The following NBAS variants were observed in gnomAD, a reference collection of about 807,000 sequenced individuals.
The protein encoded by NBAS is NBAS subunit of NRZ tethering complex.
In NBAS, 219 loss-of-function variants were observed where a neutral mutation model predicts 302.5. That is an observed-to-expected ratio of 0.72 (90% CI 0.65 to 0.81). The LOEUF is 0.81. Among genes scored for constraint, NBAS ranks in the 30% least tolerant of loss-of-function variants. The pLI is 0.00. For synonymous variants in NBAS, 1,118 were observed against 1,021.6 expected, an observed-to-expected ratio of 1.09 and a Z score of -1.80; for missense variants, 2,932 against 2,841.6, an observed-to-expected ratio of 1.03 and a Z score of -0.72.
chr2:14,985,996 T>C, the NBAS span, among the ~76,000 whole-genome samples: 1 of 152,182 alleles, frequency 6.6e-6, no homozygotes. Context: ...TCAGTAAAAC[T>C]ATGGCCAGAG....
chr2:15,315,130 A>T (rs894244101), intron 38 of NBAS, among the ~76,000 whole-genome samples: 1 of 152,218 alleles, frequency 6.6e-6, no homozygotes, highest in Non-Finnish European at 1.5e-5. Flanking sequence ...TCATACAACT[A>T]AGATTTTTGT....
At chr2:15,511,191 A>C in intron 10 of NBAS, 21 bp downstream of exon 10, 1 of 1,613,902 alleles carries the variant, frequency 6.2e-7, no homozygotes, top group East Asian at 2.2e-5. Context: ...AGCAAAGTGA[A>C]GTGCCATAAC....
intron 30 of NBAS, among the ~76,000 whole-genome samples, chr2:15,378,993 A>C (rs760441121): frequency 2.0e-5 from 3 of 152,174 alleles, no homozygotes; most frequent in Non-Finnish European, 4.4e-5. Context: ...TGAATGAATT[A>C]TTCTTAAAAA....
the NBAS span, among the ~76,000 whole-genome samples, chr2:14,788,632 C>T: frequency 6.6e-6 from 1 of 152,194 alleles, no homozygotes; most frequent in African/African-American, 2.4e-5. Flanking sequence ...GGCCACAGAA[C>T]AGCAGAATTT....
Position 15,478,260 on chromosome 2 carries a change from C to A in NBAS, c.1113G>T (p.Trp371Cys), listed in dbSNP as rs761786309. The A allele has an allele frequency of 6.2e-7, 1 of 1,611,652 alleles. No individual in the cohort carries two copies. Among genetic ancestry groups the A allele is most frequent in the Non-Finnish European group, 8.5e-7 (1 of 1,178,044 alleles). Residue 371 changes from tryptophan to cysteine, a missense_variant, in exon 13 of 52, where the codon TGG becomes TGT. Trp to Cys is a radical substitution (Grantham distance 215, BLOSUM62 -2). Transcript: ENST00000281513. ...QPGYDDLNPD[W>C]RLSTEKRKKI... is the part of the protein sequence containing the mutation. ...TTTTTCTCTTCTCAGTAGAGAGCCT[C>A]CAATCAGGATTAAGGTCATCATAGC...
the NBAS span, among the ~76,000 whole-genome samples, chr2:14,989,445 C>T: frequency 6.6e-6 from 1 of 152,008 alleles, no homozygotes; most frequent in Middle Eastern, 3.2e-3. Context: ...ATAGTACCAG[C>T]TACTCGGGAG....
chr2:14,855,748 C>T, the NBAS span, among the ~76,000 whole-genome samples: 8 of 152,168 alleles, frequency 5.3e-5, no homozygotes, highest in African/African-American at 1.4e-4. Context: ...AGGTCAGGCA[C>T]GATACAATAG....
Position 15,561,175 on chromosome 2 carries a change from G to T in NBAS, c.117+13C>A. On this transcript the variant is annotated intron_variant, in intron 1 of 51. Coordinates refer to ENST00000281513, the MANE Select transcript of NBAS (RefSeq NM_015909.4). ...CGCCAAGCTGGCTGCTGCTGTAGAT[G>T]GGCCTGGTTCACCTGTACTTCAGTC... is the stretch of plus-strand genomic sequence containing the variant. 1 of 1,609,538 alleles carries T rather than the reference G, an allele frequency of 6.2e-7. No individual in the cohort carries two copies.
chr2:14,794,086 G>GA, the NBAS span, among the ~76,000 whole-genome samples: 1 of 152,134 alleles, frequency 6.6e-6, no homozygotes, highest in Non-Finnish European at 1.5e-5. Flanking sequence ...AATGATTTAA[G>GA]AAAAGAACCT....
chr2:15,315,560 G>T (rs963308331), intron 38 of NBAS, among the ~76,000 whole-genome samples: 2 of 152,150 alleles, frequency 1.3e-5, no homozygotes, highest in African/African-American at 2.4e-5. Flanking sequence ...AGTTATATAT[G>T]CCTGGTCTCC....
At chr2:15,350,152 T>C (rs907563423) in intron 35 of NBAS, among the ~76,000 whole-genome samples, 1 of 152,146 alleles carries the variant, frequency 6.6e-6, no homozygotes. Context: ...TATTCTACTC[T>C]GGGCAAAAGC....
At chr2:15,288,140 T>A (rs1229616174) in intron 41 of NBAS, among the ~76,000 whole-genome samples, 3 of 152,246 alleles carry the variant, frequency 2.0e-5, no homozygotes, top group Non-Finnish European at 4.4e-5. Flanking sequence ...GCATCCCTGG[T>A]CTAGGGGTAG....
At chr2:15,395,847 T>C (rs554986270) in intron 27 of NBAS, among the ~76,000 whole-genome samples, 4 of 152,208 alleles carry the variant, frequency 2.6e-5, no homozygotes, top group East Asian at 1.9e-4. Flanking sequence ...ACTTTCTACA[T>C]GGGAAATTAA....
chr2:15,068,357 A>G, the NBAS span, among the ~76,000 whole-genome samples: 6 of 152,210 alleles, frequency 3.9e-5, no homozygotes, highest in African/African-American at 1.2e-4. Context: ...AAGGCATCCA[A>G]CGTAGGAAGG....
intron 21 of NBAS, among the ~76,000 whole-genome samples, chr2:15,449,615 TAAG>T (rs1461209635): frequency 1.3e-5 from 2 of 151,944 alleles, no homozygotes; most frequent in African/African-American, 4.8e-5. Context: ...AATAGGAAGA[TAAG>T]AACCCATTCT....
the NBAS span, among the ~76,000 whole-genome samples, chr2:14,973,208 G>A: frequency 6.6e-6 from 1 of 152,108 alleles, no homozygotes; most frequent in Non-Finnish European, 1.5e-5. Flanking sequence ...ATCAGGTATG[G>A]GCTAGAACCT....
chr2:15,504,162 G>A lies in NBAS; in HGVS notation c.937C>T (p.Arg313Cys), dbSNP rs571030699. Reference sequence around the variant, plus strand: ...TGTGTTACCTGTTCTTGTCCCTGGCGACTGTAAAACTTGACACTTAACATC... The same window carrying A: ...TGTGTTACCTGTTCTTGTCCCTGGCAACTGTAAAACTTGACACTTAACATC... ...LRMLSVKFYS[R>C]QGQEQDGIFK... Residue 313 changes from arginine to cysteine, a missense_variant, in exon 11 of 52, where the codon CGC becomes TGC. Transcript: ENST00000281513. The A allele has an allele frequency of 3.6e-5, 58 of 1,613,340 alleles. 1 individual carries two copies. Among genetic ancestry groups the A allele is most frequent in the African/African-American group, 1.7e-4 (13 of 75,010 alleles).
chr2:14,820,002 G>T, the NBAS span, among the ~76,000 whole-genome samples: 1 of 152,162 alleles, frequency 6.6e-6, no homozygotes, highest in Non-Finnish European at 1.5e-5. Context: ...ATAGCCAAAA[G>T]ACAGGTAATA....
chr2:14,986,924 ATTTTT>A, the NBAS span, among the ~76,000 whole-genome samples: 18 of 152,178 alleles, frequency 1.2e-4, no homozygotes, highest in African/African-American at 4.1e-4. Context: ...AGAAATTTTT[ATTTTT>A]TTAATTATAA....
Sources: allele counts gnomAD v4.1 joint callset (sites outside exome capture counted in the v4.1 genomes callset), GRCh38; gene constraint gnomAD v4.1.1; transcripts MANE v1.5; gene names NCBI Gene and HGNC (gene_info 2026-07-23, HGNC 2026-07-21).